Variants in CABIN1 observed in about 807,000 individuals in gnomAD.
CABIN1 encodes the protein calcineurin-binding protein cabin-1.
Under a neutral mutation model 227.7 loss-of-function variants are expected in CABIN1, and 133 were observed. The ratio of observed to expected loss-of-function variants is 0.58; its 90% CI spans 0.51 to 0.67. The LOEUF (loss-of-function observed/expected upper bound fraction) is 0.67, where lower values mean the gene tolerates loss of function less well. Among genes scored for constraint, CABIN1 ranks in the 30% least tolerant of loss-of-function variants. The pLI is 0.00. For missense variants in CABIN1, 2,408 were observed against 2,852.5 expected (o/e 0.84, Z 3.55); for synonymous variants, 1,086 against 1,155.1 (o/e 0.94, Z 1.21).
chr22:24,113,183 A>G (rs865857203), intron 26 of CABIN1, among the ~76,000 whole-genome samples: 11 of 152,232 alleles, frequency 7.2e-5, no homozygotes, highest in Admixed American at 3.3e-4. Flanking sequence ...GCTACTGTGC[A>G]TCTCTTCCTA....
In CABIN1 at chr22:24,061,983, C is replaced by T; in HGVS notation, c.1654C>T (p.Gln552Ter). 3.1e-6 allele frequency: 5 copies of T among 1,614,086 alleles called. No homozygotes were observed. The highest frequency in any genetic ancestry group is 4.2e-6 in the Non-Finnish European group (5 of 1,180,000). ...MLMSLSCMELQLDQWLLTKGR... is the reference protein window; with the variant it reads ...MLMSLSCMEL ...GATGTCTCTCTCCTGCATGGAACTC[C>T]AGCTGGACCAGTGGCTGCTGACCAA... The change falls in exon 13 of 37, where the codon CAG (glutamine) becomes TAG (stop). Residue 552 changes from glutamine to a stop codon, truncating the protein, a stop_gained. Coordinates refer to ENST00000263119, the MANE Select transcript of CABIN1 (RefSeq NM_012295.4). LOFTEE classifies it high-confidence loss of function.
chr22:24,106,126 A>T (rs1602115737), intron 26 of CABIN1, among the ~76,000 whole-genome samples: 1 of 152,252 alleles, frequency 6.6e-6, no homozygotes, highest in African/African-American at 2.4e-5. Flanking sequence ...GGCTGCGTTC[A>T]GCTGTCTGGG....
chr22:24,070,968 G>A lies in CABIN1; in HGVS notation c.2401G>A (p.Asp801Asn). ...GGGCATCGAGCAGGCCCTCTCTGCG[G>A]ACAGCAGTGGTAGCATCCTGAAGGT... is the stretch of plus-strand genomic sequence containing the variant. ...LMGIEQALSA[D>N]SSGSILKVSS... Residue 801 changes from aspartate to asparagine, a missense_variant, in exon 17 of 37, where the codon GAC (aspartate) becomes AAC (asparagine). Asp to Asn is a conservative substitution (Grantham distance 23). Transcript: ENST00000263119. 1 of 1,614,242 alleles carries A rather than the reference G, an allele frequency of 6.2e-7. No individual in the cohort carries two copies. The highest frequency in any genetic ancestry group is 1.1e-5 in the South Asian group (1 of 91,086).
At chr22:24,040,065 G>A (rs2037245672) in intron 4 of CABIN1, among the ~76,000 whole-genome samples, 1 of 152,226 alleles carries the variant, frequency 6.6e-6, no homozygotes, top group South Asian at 2.1e-4. Context: ...TTATGTGCAT[G>A]TCCATGTGTA....
At chr22:24,116,339 G>A (rs1261311076) in intron 27 of CABIN1, among the ~76,000 whole-genome samples, 1 of 152,248 alleles carries the variant, frequency 6.6e-6, no homozygotes, top group Non-Finnish European at 1.5e-5. Flanking sequence ...AAGCAGAGTT[G>A]ACAAGCACCT....
intron 33 of CABIN1, among the ~76,000 whole-genome samples, chr22:24,171,030 G>A (rs1279044509): frequency 2.0e-5 from 3 of 152,220 alleles, no homozygotes; most frequent in African/African-American, 7.2e-5. Context: ...GGGAGCAAAA[G>A]TAGCCCTGTG....
chr22:24,157,547 C>G (rs2045909971), intron 29 of CABIN1, among the ~76,000 whole-genome samples: 1 of 152,196 alleles, frequency 6.6e-6, no homozygotes, highest in African/African-American at 2.4e-5. Context: ...TCTCCCCCAG[C>G]AAGGTGTAAG....
At chr22:24,167,523 T>C (rs1218325575) in intron 32 of CABIN1, among the ~76,000 whole-genome samples, 1 of 152,192 alleles carries the variant, frequency 6.6e-6, no homozygotes, top group Non-Finnish European at 1.5e-5. Flanking sequence ...ACAGAAACCT[T>C]ATCACAACCA....
intron 12 of CABIN1, 54 bp downstream of exon 12, chr22:24,060,195 C>T (rs2039088937): frequency 6.6e-7 from 1 of 1,516,330 alleles, no homozygotes; most frequent in African/African-American, 1.4e-5. Flanking sequence ...GGCATGGGGA[C>T]AGGGATCTTG....
chr22:24,093,107 C>G (rs1207503384), intron 24 of CABIN1, among the ~76,000 whole-genome samples: 1 of 152,124 alleles, frequency 6.6e-6, no homozygotes, highest in Non-Finnish European at 1.5e-5. Flanking sequence ...GACTAGAGTC[C>G]AAAGGTGGAA....
intron 16 of CABIN1, among the ~76,000 whole-genome samples, chr22:24,068,802 A>G (rs185521798): frequency 7.2e-5 from 11 of 152,084 alleles, no homozygotes; most frequent in African/African-American, 2.7e-4. Context: ...GATTTTGTTC[A>G]TGGTTCACTG....
chr22:24,146,425 C>G (rs993579049), intron 29 of CABIN1, among the ~76,000 whole-genome samples: 1 of 152,228 alleles, frequency 6.6e-6, no homozygotes, highest in African/African-American at 2.4e-5. Context: ...GCACAGCCCC[C>G]GTGTTCAGCC....
chr22:24,156,086 TGGCGGGGGCG>T, intron 29 of CABIN1: 1 of 415,916 alleles, frequency 2.4e-6, no homozygotes, highest in Non-Finnish European at 4.3e-6. Flanking sequence ...GGTAGGAACT[TGGCGGGGGCG>T]GGGGCCGGGA....
At chr22:24,014,559 A>C (rs1217721313) in intron 1 of CABIN1, among the ~76,000 whole-genome samples, 1 of 151,966 alleles carries the variant, frequency 6.6e-6, no homozygotes, top group Non-Finnish European at 1.5e-5. Context: ...CATTTTCTAC[A>C]GTTACTTAGG....
Position 24,176,079 on chromosome 22 carries a change from C to G in CABIN1, c.6041-32C>G, listed in dbSNP as rs551045664. ...GTTGGAGCCTGCGGGGTGGATGAGT[C>G]TATTACCTGCAGTGAGCCCATGTCC... On this transcript the variant is annotated intron_variant, in intron 34 of 36. Transcript: ENST00000263119. The G allele has an allele frequency of 1.4e-5, 22 of 1,601,878 alleles. No individual in the cohort carries two copies. In the African/African-American group the frequency reaches 2.9e-4, roughly 21 times the overall value.
chr22:24,076,299 T>A lies in CABIN1; in HGVS notation c.2748+15T>A, dbSNP rs754581416. The A allele has an allele frequency of 1.3e-6, 2 of 1,598,072 alleles. No individual in the cohort carries two copies. The highest frequency in any genetic ancestry group is 2.2e-5 in the East Asian group (1 of 44,794). On this transcript the variant is annotated intron_variant, in intron 19 of 36. Coordinates refer to ENST00000263119, the MANE Select transcript of CABIN1 (RefSeq NM_012295.4). ...TGCGATTCTATGTAAGTGCTTCCCCTTGGGCTGCAGACTGCCAGTGCGGGG... is the reference window on the plus strand; with the variant it reads ...TGCGATTCTATGTAAGTGCTTCCCCATGGGCTGCAGACTGCCAGTGCGGGG...
chr22:24,027,510 A>G (rs756607151), intron 1 of CABIN1, among the ~76,000 whole-genome samples: 8 of 152,216 alleles, frequency 5.3e-5, no homozygotes, highest in Non-Finnish European at 1.0e-4. Flanking sequence ...TCAGATTGCT[A>G]TGGTTTGAAT....
chr22:24,042,982 C>T lies in CABIN1; in HGVS notation c.424C>T (p.Leu142=), dbSNP rs2037545879. ...HVALRLIRIP[L]ARHAFEEGLR... ...GGCCCTGAGGCTCATCCGGATCCCC[C>T]TGGCTCGCCATGCTTTTGAGGAAGG... The change falls in exon 6 of 37, where the codon CTG becomes TTG. Residue 142 remains leucine (L), a synonymous_variant. Transcript: ENST00000263119. 2.5e-6 allele frequency: 4 copies of T among 1,613,980 alleles called. No homozygotes were observed. The highest frequency in any genetic ancestry group is 3.4e-6 in the Non-Finnish European group (4 of 1,180,014).
chr22:24,057,882 C>T (rs1235654674), intron 10 of CABIN1, among the ~76,000 whole-genome samples: 8 of 152,156 alleles, frequency 5.3e-5, no homozygotes, highest in Admixed American at 5.2e-4. Context: ...TTGATGGTGC[C>T]AAGAGATTTG....
Sources: allele counts gnomAD v4.1 joint callset (sites outside exome capture counted in the v4.1 genomes callset), GRCh38; gene constraint gnomAD v4.1.1; transcripts MANE v1.5; gene names NCBI Gene and HGNC (gene_info 2026-07-23, HGNC 2026-07-21).